The following TNFSF4 variants were observed in gnomAD, a reference collection of about 807,000 sequenced individuals.
TNFSF4 encodes TNF superfamily member 4.
A neutral mutation model predicts 7.3 loss-of-function variants in TNFSF4; 4 were observed. That is an observed-to-expected ratio of 0.55 (90% CI 0.27 to 1.25). The LOEUF (loss-of-function observed/expected upper bound fraction) is 1.25, where lower values mean the gene tolerates loss of function less well. TNFSF4 is among the 50% of genes most tolerant of loss of function. The pLI is 0.12. For missense variants in TNFSF4, 181 were observed against 208.8 expected (o/e 0.87, Z 0.82); for synonymous variants, 76 against 83.7 (o/e 0.91, Z 0.50).
the TNFSF4 span, among the ~76,000 whole-genome samples, chr1:173,235,430 C>T: frequency 1.3e-5 from 2 of 152,218 alleles, no homozygotes; most frequent in Admixed American, 6.5e-5. Context: ...CAGGTGGGTC[C>T]ACCCCATTGT....
chr1:173,261,208 A>C, the TNFSF4 span, among the ~76,000 whole-genome samples: 43,970 of 152,028 alleles, frequency 0.29, 6,477 homozygotes, highest in East Asian at 0.37. Context: ...AGATATTGAA[A>C]AACCTCCTCC....
chr1:173,397,155 T>C, the TNFSF4 span, among the ~76,000 whole-genome samples: 3 of 152,262 alleles, frequency 2.0e-5, no homozygotes, highest in East Asian at 5.8e-4. Context: ...ACCTAGTAAA[T>C]TCTTACTTGA....
At chr1:173,318,223 G>T in the TNFSF4 span, among the ~76,000 whole-genome samples, 1 of 152,196 alleles carries the variant, frequency 6.6e-6, no homozygotes, top group Non-Finnish European at 1.5e-5. Context: ...GGTGGATCAT[G>T]AGGTCAGGAG....
At chr1:173,413,003 G>A in the TNFSF4 span, among the ~76,000 whole-genome samples, 1 of 152,170 alleles carries the variant, frequency 6.6e-6, no homozygotes, top group South Asian at 2.1e-4. Flanking sequence ...GGCTTGGGAC[G>A]GGGTCCTATG....
chr1:173,250,570 C>T, the TNFSF4 span, among the ~76,000 whole-genome samples: 1 of 152,050 alleles, frequency 6.6e-6, no homozygotes, highest in Admixed American at 6.5e-5. Flanking sequence ...CGCCATTCTC[C>T]TGCCTCAGCC....
the TNFSF4 span, among the ~76,000 whole-genome samples, chr1:173,306,760 A>G: frequency 2.0e-5 from 3 of 151,860 alleles, no homozygotes; most frequent in Admixed American, 1.3e-4. Flanking sequence ...AGAACTCAAT[A>G]TGACTTCCTC....
the TNFSF4 span, among the ~76,000 whole-genome samples, chr1:173,418,843 C>A: frequency 6.6e-6 from 1 of 152,138 alleles, no homozygotes; most frequent in South Asian, 2.1e-4. Context: ...GCTGTGGAAG[C>A]CTGGGCAGAT....
chr1:173,311,331 A>G, the TNFSF4 span, among the ~76,000 whole-genome samples: 9 of 152,074 alleles, frequency 5.9e-5, no homozygotes, highest in Non-Finnish European at 8.8e-5. Flanking sequence ...ATAACAGAAG[A>G]TTGAAGTAAT....
chr1:173,312,070 A>T, the TNFSF4 span, among the ~76,000 whole-genome samples: 2 of 152,102 alleles, frequency 1.3e-5, no homozygotes, highest in Non-Finnish European at 2.9e-5. Flanking sequence ...TGTATTAATT[A>T]TCTGCTAAGT....
At chr1:173,313,157 G>T in the TNFSF4 span, among the ~76,000 whole-genome samples, 20,725 of 152,022 alleles carry the variant, frequency 0.14, 2,213 homozygotes, top group African/African-American at 0.29. Flanking sequence ...GGAGAAAAGG[G>T]TCCCCCCTAC....
At chr1:173,275,945 T>C in the TNFSF4 span, among the ~76,000 whole-genome samples, 2 of 152,164 alleles carry the variant, frequency 1.3e-5, no homozygotes, top group African/African-American at 4.8e-5. Context: ...GTGGTTGGTA[T>C]GAGTGCCATT....
the TNFSF4 span, among the ~76,000 whole-genome samples, chr1:173,227,678 C>T: frequency 1.3e-5 from 2 of 152,214 alleles, no homozygotes; most frequent in African/African-American, 2.4e-5. Context: ...AGGGAATTTC[C>T]TTTCCTACCC....
chr1:173,313,008 C>G, the TNFSF4 span, among the ~76,000 whole-genome samples: 1 of 152,090 alleles, frequency 6.6e-6, no homozygotes. Flanking sequence ...CAGCCCTGAG[C>G]AAGTGGCAGC....
the TNFSF4 span, among the ~76,000 whole-genome samples, chr1:173,367,510 C>T: frequency 1.3e-5 from 2 of 152,238 alleles, no homozygotes; most frequent in Admixed American, 6.5e-5. Context: ...AAAATGCTCA[C>T]TTCCAACCCT....
At chr1:173,299,622 G>T in the TNFSF4 span, among the ~76,000 whole-genome samples, 1 of 151,924 alleles carries the variant, frequency 6.6e-6, no homozygotes, top group Non-Finnish European at 1.5e-5. Context: ...TAACTCATAA[G>T]TGCTTTTTGT....
the TNFSF4 span, among the ~76,000 whole-genome samples, chr1:173,337,304 C>G: frequency 6.6e-6 from 1 of 152,136 alleles, no homozygotes; most frequent in African/African-American, 2.4e-5. Context: ...ACCATGAAAT[C>G]TAAGATCCCC....
At chr1:173,424,407 C>A in the TNFSF4 span, among the ~76,000 whole-genome samples, 82 of 152,314 alleles carry the variant, frequency 5.4e-4, no homozygotes, top group East Asian at 0.015. Flanking sequence ...CTGGAAACAG[C>A]CATAAACAAG....
intron 1 of TNFSF4, among the ~76,000 whole-genome samples, chr1:173,199,766 A>G (rs1649861159): frequency 6.6e-6 from 1 of 152,200 alleles, no homozygotes; most frequent in South Asian, 2.1e-4. Flanking sequence ...AAATTACACT[A>G]TCACTTAAGT....
At chr1:173,214,349 C>G in the TNFSF4 span, among the ~76,000 whole-genome samples, 1 of 152,238 alleles carries the variant, frequency 6.6e-6, no homozygotes, top group South Asian at 2.1e-4. Context: ...TACTACTGAT[C>G]TTTTTAAATG....
Sources: gnomAD v4.1 joint callset for allele counts (sites outside exome capture counted in the v4.1 genomes callset) on GRCh38, gnomAD v4.1.1 for gene constraint, MANE v1.5 for transcripts, NCBI Gene and HGNC (gene_info 2026-07-23, HGNC 2026-07-21) for gene names.